Variants in FBXO36 observed in about 807,000 individuals in gnomAD.
FBXO36 encodes F-box protein 36.
Under a neutral mutation model 17.0 loss-of-function variants are expected in FBXO36, and 18 were observed. The observed-to-expected ratio is 1.06, with a 90% CI of 0.73 to 1.57. The LOEUF (loss-of-function observed/expected upper bound fraction) is 1.57, where lower values mean the gene tolerates loss of function less well. Among genes scored for constraint, FBXO36 ranks in the 40% most tolerant of loss-of-function variants. The pLI is 0.00. For synonymous variants in FBXO36, 83 were observed against 85.3 expected (o/e 0.97, Z 0.15); for missense variants, 229 against 221.9 (o/e 1.03, Z -0.20).
chr2:229,972,451 G>A (rs1257042826), intron 1 of FBXO36, among the ~76,000 whole-genome samples: 1 of 152,028 alleles, frequency 6.6e-6, no homozygotes, highest in Admixed American at 6.6e-5. Flanking sequence ...GACAGCTGAT[G>A]AAAAAAATAT....
intron 2 of FBXO36, among the ~76,000 whole-genome samples, chr2:229,981,273 G>C (rs1413761995): frequency 6.6e-6 from 1 of 152,174 alleles, no homozygotes; most frequent in Non-Finnish European, 1.5e-5. Flanking sequence ...AGGATCACTA[G>C]AGGCCAGAAG....
At chr2:229,958,444 T>A (rs577730860) in intron 1 of FBXO36, among the ~76,000 whole-genome samples, 1 of 152,206 alleles carries the variant, frequency 6.6e-6, no homozygotes, top group African/African-American at 2.4e-5. Context: ...CTAATTTTTG[T>A]ATTTTTAGTA....
At chr2:229,961,576 A>G (rs1244749879) in intron 1 of FBXO36, among the ~76,000 whole-genome samples, 1 of 152,002 alleles carries the variant, frequency 6.6e-6, no homozygotes, top group Non-Finnish European at 1.5e-5. Flanking sequence ...GGGTTTCACC[A>G]TGTCGGCCAC....
At chr2:229,973,654 G>A (rs1356623644) in intron 1 of FBXO36, among the ~76,000 whole-genome samples, 1 of 151,462 alleles carries the variant, frequency 6.6e-6, no homozygotes, top group Non-Finnish European at 1.5e-5. Flanking sequence ...CCGGGAGGCG[G>A]AGGGTGCAGT....
chr2:229,945,959 T>C (rs1427666387), intron 1 of FBXO36, among the ~76,000 whole-genome samples: 1 of 149,342 alleles, frequency 6.7e-6, no homozygotes, highest in Non-Finnish European at 1.5e-5. Context: ...GAGGCGGAGG[T>C]TGCAATGAGC....
intron 1 of FBXO36, among the ~76,000 whole-genome samples, chr2:229,933,253 C>A (rs944168738): frequency 6.6e-6 from 1 of 151,844 alleles, no homozygotes; most frequent in Non-Finnish European, 1.5e-5. Flanking sequence ...CCAGGCGTGG[C>A]GGTAGAGTCC....
At chr2:229,983,375 C>CAA (rs144045262) in intron 2 of FBXO36, among the ~76,000 whole-genome samples, 74 of 147,838 alleles carry the variant, frequency 5.0e-4, no homozygotes, top group East Asian at 4.5e-3. Context: ...AACTCCATCT[C>CAA]AAAAAAAAAA....
chr2:229,996,665 T>A (rs1258445274), intron 2 of FBXO36, 86 bp from the exon 3 acceptor site: 1 of 1,397,070 alleles, frequency 7.2e-7, no homozygotes. Context: ...AGGGGAAAAA[T>A]GCCCTGAAGC....
At chr2:229,997,904 G>T (rs1486954273) in intron 3 of FBXO36, among the ~76,000 whole-genome samples, 2 of 152,132 alleles carry the variant, frequency 1.3e-5, no homozygotes, top group African/African-American at 4.8e-5. Context: ...CCCTTCTGTT[G>T]TTCCTTCAAC....
At chr2:230,003,032 G>A (rs1314827735) in intron 3 of FBXO36, among the ~76,000 whole-genome samples, 2 of 151,750 alleles carry the variant, frequency 1.3e-5, no homozygotes, top group Non-Finnish European at 2.9e-5. Context: ...CCAACATGAT[G>A]AAACCCCCGT....
chr2:229,958,865 T>C (rs1042978846), intron 1 of FBXO36, among the ~76,000 whole-genome samples: 1 of 152,202 alleles, frequency 6.6e-6, no homozygotes, highest in East Asian at 1.9e-4. Flanking sequence ...GCTAGGCATG[T>C]TTACATGTAT....
At chr2:229,965,726 A>C (rs1179710482) in intron 1 of FBXO36, among the ~76,000 whole-genome samples, 2 of 152,168 alleles carry the variant, frequency 1.3e-5, no homozygotes, top group African/African-American at 4.8e-5. Flanking sequence ...ATGGCTGCAT[A>C]GTATTCTACG....
At chr2:229,984,872 G>C (rs923269179) in intron 2 of FBXO36, among the ~76,000 whole-genome samples, 1 of 152,084 alleles carries the variant, frequency 6.6e-6, no homozygotes, top group Admixed American at 6.6e-5. Context: ...GAAGCCTTTA[G>C]GTACATGCTG....
At chr2:229,938,461 C>G (rs1310494782) in intron 1 of FBXO36, among the ~76,000 whole-genome samples, 1 of 142,494 alleles carries the variant, frequency 7.0e-6, no homozygotes. Flanking sequence ...CGCGCCAGAC[C>G]GGATTGGTTA....
chr2:229,944,370 AAC>A (rs2077015146), intron 1 of FBXO36, among the ~76,000 whole-genome samples: 1 of 152,244 alleles, frequency 6.6e-6, no homozygotes, highest in African/African-American at 2.4e-5. Flanking sequence ...GGATTTATTT[AAC>A]AGTTTCATTT....
chr2:229,971,800 C>G (rs1317888888), intron 1 of FBXO36, among the ~76,000 whole-genome samples: 3 of 151,638 alleles, frequency 2.0e-5, no homozygotes, highest in African/African-American at 7.3e-5. Flanking sequence ...GTGATCCTCC[C>G]ACCTCAGCAC....
chr2:230,011,036 C>T lies in FBXO36; in HGVS notation c.*152C>T. ...GTAGGGGATTTGCACACAAATGCAG[C>T]AGAGTCTGGCTCCCCAGTGCCTTGC... On this transcript the variant is annotated 3_prime_UTR_variant, in exon 4 of 4. Coordinates refer to ENST00000283946, the MANE Select transcript of FBXO36 (RefSeq NM_174899.5). 1.2e-6 allele frequency: 1 copy of T among 804,286 alleles called. No individual in the cohort carries two copies. The allele number at this position is 804,286 out of a possible 1,614,324, so 49.8% of individuals were successfully genotyped here. A position where few individuals can be genotyped will look rare whatever the true frequency, so the allele number is the denominator to read the frequency against.
At chr2:230,003,475 G>A (rs1396984623) in intron 3 of FBXO36, among the ~76,000 whole-genome samples, 3 of 151,600 alleles carry the variant, frequency 2.0e-5, no homozygotes, top group Non-Finnish European at 2.9e-5. Context: ...AAATATCTCT[G>A]GCACATTCAC....
At chr2:230,003,814 T>C (rs1186122869) in intron 3 of FBXO36, among the ~76,000 whole-genome samples, 1 of 152,250 alleles carries the variant, frequency 6.6e-6, no homozygotes, top group Admixed American at 6.5e-5. Flanking sequence ...ATTACAGGCA[T>C]GAGCCACCCA....
Sources: gnomAD v4.1 joint callset for allele counts (sites outside exome capture counted in the v4.1 genomes callset) on GRCh38, gnomAD v4.1.1 for gene constraint, MANE v1.5 for transcripts, NCBI Gene and HGNC (gene_info 2026-07-23, HGNC 2026-07-21) for gene names.